The following ATF2 variants were observed in gnomAD, a reference collection of about 807,000 sequenced individuals.
The protein encoded by ATF2 is activating transcription factor 2, also known as cyclic AMP-dependent transcription factor ATF-2.
ATF2 carries 24 observed loss-of-function variants against 60.6 expected under a neutral mutation model. That is an observed-to-expected ratio of 0.40 (90% CI 0.29 to 0.56). ATF2 has a LOEUF of 0.56. Among genes scored for constraint, ATF2 ranks in the 20% least tolerant of loss-of-function variants. ATF2 has a pLI of 0.54. For missense variants in ATF2, 433 were observed against 607.7 expected, an observed-to-expected ratio of 0.71 and a Z score of 3.02; for synonymous variants, 206 against 215.4, an observed-to-expected ratio of 0.96 and a Z score of 0.38.
At chr2:175,106,536 C>CAA (rs879626875) in intron 10 of ATF2, among the ~76,000 whole-genome samples, 1 of 143,180 alleles carries the variant, frequency 7.0e-6, no homozygotes, top group Non-Finnish European at 1.5e-5. Flanking sequence ...AAAACAACAA[C>CAA]AAAAAAAAAA....
chr2:175,109,190 A>AAAAAAAC (rs1695996427), intron 10 of ATF2, among the ~76,000 whole-genome samples: 1 of 151,208 alleles, frequency 6.6e-6, no homozygotes, highest in Non-Finnish European at 1.5e-5. Flanking sequence ...AAAAAAAAAA[A>AAAAAAAC]AAAGACTGTG....
intron 2 of ATF2, among the ~76,000 whole-genome samples, chr2:175,137,789 G>A (rs1698239958): frequency 6.6e-6 from 1 of 151,958 alleles, no homozygotes; most frequent in African/African-American, 2.4e-5. Flanking sequence ...CTACACAGCA[G>A]CCCATTTCTT....
chr2:175,136,891 A>G (rs1165189286), intron 2 of ATF2, among the ~76,000 whole-genome samples: 1 of 152,054 alleles, frequency 6.6e-6, no homozygotes, highest in African/African-American at 2.4e-5. Context: ...TTCTCAGCCT[A>G]ATTCATCAAA....
chr2:175,148,908 G>A (rs1418219892), intron 2 of ATF2, among the ~76,000 whole-genome samples: 2 of 152,056 alleles, frequency 1.3e-5, no homozygotes, highest in East Asian at 1.9e-4. Context: ...CATTTTAAAT[G>A]TATTGATTGA....
intron 2 of ATF2, among the ~76,000 whole-genome samples, chr2:175,149,241 C>A (rs1699148657): frequency 6.6e-6 from 1 of 151,990 alleles, no homozygotes; most frequent in African/African-American, 2.4e-5. Flanking sequence ...GGCCCTGGGT[C>A]AAAGTGCTGA....
intron 2 of ATF2, among the ~76,000 whole-genome samples, chr2:175,140,008 A>G (rs1226135576): frequency 1.3e-5 from 2 of 152,226 alleles, no homozygotes; most frequent in Non-Finnish European, 2.9e-5. Flanking sequence ...AAAAAGCAGA[A>G]TAATATAACT....
intron 3 of ATF2, among the ~76,000 whole-genome samples, chr2:175,136,011 CTTTG>C (rs1208280113): frequency 1.5e-5 from 2 of 134,856 alleles, no homozygotes; most frequent in African/African-American, 5.4e-5. Context: ...TTCTTTCTTT[CTTTG>C]TTTTTTTTTT....
At chr2:175,147,820 C>T (rs1699051697) in intron 2 of ATF2, 1 of 152,094 alleles carries the variant, frequency 6.6e-6, no homozygotes, top group African/African-American at 2.4e-5. Context: ...GCTATGGGAA[C>T]ATAAATCAAA....
chr2:175,138,654 T>C (rs570724214), intron 2 of ATF2, among the ~76,000 whole-genome samples: 1 of 152,308 alleles, frequency 6.6e-6, no homozygotes, highest in African/African-American at 2.4e-5. Flanking sequence ...CCCTAAAATA[T>C]ACCCTCCCAA....
chr2:175,080,111 TTAAC>T (rs1392384093), intron 13 of ATF2, among the ~76,000 whole-genome samples: 1 of 152,160 alleles, frequency 6.6e-6, no homozygotes, highest in Non-Finnish European at 1.5e-5. Flanking sequence ...AGCAGATAAT[TTAAC>T]TACTGTTCCC....
At chr2:175,142,712 A>T (rs1278655741) in intron 2 of ATF2, among the ~76,000 whole-genome samples, 114 of 124,106 alleles carry the variant, frequency 9.2e-4, no homozygotes, top group African/African-American at 3.3e-3. Flanking sequence ...AGAGAGAGAG[A>T]GAGAGAGAGT....
At chr2:175,094,142 C>A (rs1335519459) in intron 11 of ATF2, among the ~76,000 whole-genome samples, 1 of 152,092 alleles carries the variant, frequency 6.6e-6, no homozygotes, top group Non-Finnish European at 1.5e-5. Context: ...CCTGTAATCC[C>A]AGCACTCTGG....
chr2:175,127,049 T>A (rs1002607836), intron 4 of ATF2: 1 of 151,774 alleles, frequency 6.6e-6, no homozygotes, highest in Non-Finnish European at 1.5e-5. Flanking sequence ...CTGGACAACA[T>A]TGAGAGATCC....
At chr2:175,159,220 G>A (rs1216180785) in intron 1 of ATF2, among the ~76,000 whole-genome samples, 1 of 151,982 alleles carries the variant, frequency 6.6e-6, no homozygotes, top group Non-Finnish European at 1.5e-5. Flanking sequence ...TCAAAAGGCT[G>A]AGGCATGAGA....
chr2:175,108,395 C>A (rs1472869273), intron 10 of ATF2, among the ~76,000 whole-genome samples: 5 of 150,702 alleles, frequency 3.3e-5, no homozygotes, highest in African/African-American at 7.3e-5. Flanking sequence ...CCCGGCCAGC[C>A]GCCCCGTCCG....
At position 175,114,134 on chromosome 2, in the gene ATF2, T is replaced by C. The variant is rs756859273; in HGVS notation, c.627-26A>G. On this transcript the variant is annotated intron_variant, in intron 8 of 13. Coordinates refer to ENST00000264110, the MANE Select transcript of ATF2 (RefSeq NM_001880.4). ...CTAAGAAAAACAAAAGAAGAGAAAT[T>C]TTAAAAAAGAGATTCATACCAACTG... 12 of 1,548,916 alleles carry C rather than the reference T, an allele frequency of 7.7e-6. No homozygotes were observed. In the South Asian group the frequency reaches 1.4e-4, roughly 19 times the overall value.
chr2:175,144,481 G>T (rs1218012863), intron 2 of ATF2, among the ~76,000 whole-genome samples: 1 of 152,170 alleles, frequency 6.6e-6, no homozygotes, highest in Non-Finnish European at 1.5e-5. Context: ...TTTAAGAAAA[G>T]ATGAATAGAA....
At chr2:175,112,080 C>A (rs1024646008) in intron 9 of ATF2, among the ~76,000 whole-genome samples, 1 of 152,158 alleles carries the variant, frequency 6.6e-6, no homozygotes, top group South Asian at 2.1e-4. Context: ...CTTATACATA[C>A]CACATAATAA....
In ATF2 at chr2:175,118,108, T is replaced by C; in HGVS notation, c.329A>G (p.Asp110Gly). ...SEDDIKKMPL[D>G]LSPLATPIIR... is the part of the protein sequence containing the mutation. ...GATAGGTGTTGCAAGAGGGGATAAA[T>C]CTAGAGGCATCTATAATTCAAATAA... Residue 110 changes from aspartate (D) to glycine (G), a missense_variant, in exon 7 of 14, where the codon GAT (aspartate) becomes GGT (glycine). Coordinates refer to ENST00000264110, the MANE Select transcript of ATF2 (RefSeq NM_001880.4). 6.2e-7 allele frequency: 1 copy of C among 1,610,276 alleles called. No homozygotes were observed. The highest frequency in any genetic ancestry group is 8.5e-7 in the Non-Finnish European group (1 of 1,178,130).
Sources: allele counts gnomAD v4.1 joint callset (sites outside exome capture counted in the v4.1 genomes callset), GRCh38; gene constraint gnomAD v4.1.1; transcripts MANE v1.5; gene names NCBI Gene and HGNC (gene_info 2026-07-23, HGNC 2026-07-21).